The following TGM3 variants were observed in gnomAD, a reference collection of about 807,000 sequenced individuals.
TGM3 encodes the protein protein-glutamine gamma-glutamyltransferase E.
A neutral mutation model predicts 73.8 loss-of-function variants in TGM3; 52 were observed. The observed-to-expected ratio is 0.70, with a 90% confidence interval of 0.56 to 0.89. The LOEUF (loss-of-function observed/expected upper bound fraction) is 0.89, where lower values mean the gene tolerates loss of function less well. TGM3 is among the 40% of genes least tolerant of loss of function. The pLI is 0.00. For missense variants in TGM3, 928 were observed against 909.9 expected, an observed-to-expected ratio of 1.02 and a Z score of -0.26; for synonymous variants, 372 against 354.9, an observed-to-expected ratio of 1.05 and a Z score of -0.54.
Position 2,335,230 on chromosome 20 carries a change from T to G in TGM3, c.1757T>G (p.Val586Gly). 1.2e-6 allele frequency: 2 copies of G among 1,614,136 alleles called. No homozygotes were observed. The highest frequency in any genetic ancestry group is 1.7e-6 in the Non-Finnish European group (2 of 1,180,008). The change falls in exon 11 of 13, where the codon GTG becomes GGG. Residue 586 changes from valine (V) to glycine (G), a missense_variant. Coordinates refer to ENST00000381458, the MANE Select transcript of TGM3 (RefSeq NM_003245.4). Reference sequence around the variant, plus strand: ...GTCCCAGATGAGTCTGAGGTGGTGGTGGAGCGGGACATCATCCTGGACAAC... The same window carrying G: ...GTCCCAGATGAGTCTGAGGTGGTGGGGGAGCGGGACATCATCCTGGACAAC... ...CKVPDESEVV[V>G]ERDIILDNPT...
rs887838140 is a variant in TGM3 at position 2,328,036 on chromosome 20, G to C, written c.1088-84G>C. 1 of 1,580,726 alleles carries C rather than the reference G, an allele frequency of 6.3e-7. No individual in the cohort carries two copies. The highest frequency in any genetic ancestry group is 8.6e-7 in the Non-Finnish European group (1 of 1,159,584). On this transcript the variant is annotated intron_variant, in intron 8 of 12. Transcript: ENST00000381458. This position sits in a 1 kb window ranked among gnomAD's most constrained non-coding sequence, Gnocchi z 5.2. ...GGCGGGGCAGAGGCAGGGGGTTGCA[G>C]TGGTCCTGGAAGGCCCTGGGGAATC...
At chr20:2,310,955 T>C (rs1397430656) in intron 3 of TGM3, 56 bp from the exon 4 acceptor site, 5 of 1,488,370 alleles carry the variant, frequency 3.4e-6, no homozygotes. Flanking sequence ...GGAGGAACGA[T>C]CCCTACAGTC....
rs568890559 is a variant in TGM3 at position 2,327,337 on chromosome 20, G to A, written c.1088-783G>A. 5.3e-5 allele frequency among the ~76,000 whole-genome samples: 8 copies of A among 152,078 alleles called. No individual in the cohort carries two copies. The South Asian group carries it at 8.3e-4, about 16-fold the overall frequency. ...TACAAAAAAAAAAAATTAGCCGGGC[G>A]TGGTGGCGGGCGCCTGTAGTCCCAG... On this transcript the variant is annotated intron_variant, in intron 8 of 12. Coordinates refer to ENST00000381458, the MANE Select transcript of TGM3 (RefSeq NM_003245.4).
rs1315841769 is a variant in TGM3 at position 2,340,743 on chromosome 20, TC to T, written c.*167del. The stretch of plus-strand genomic sequence containing the variant: ...GGCTCCAGCACATCCCCCTCTCCTC[TC>T]CCCCAGGTTGGGGCTGGGTCCACCC... On this transcript the variant is annotated 3_prime_UTR_variant, in exon 13 of 13. Transcript: ENST00000381458. 3 of 934,696 alleles carry T rather than the reference TC, an allele frequency of 3.2e-6. No homozygotes were observed. The highest frequency in any genetic ancestry group is 5.0e-6 in the Non-Finnish European group (3 of 601,544). The allele number at this position is 934,696 out of a possible 1,614,324, so 57.9% of individuals were successfully genotyped here. A position where few individuals can be genotyped will look rare whatever the true frequency, so the allele number is the denominator to read the frequency against.
Position 2,325,830 on chromosome 20 carries a change from T to G in TGM3, c.984-19T>G. The G allele has an allele frequency of 2.0e-6, 3 of 1,529,582 alleles. No homozygotes were observed. The highest frequency in any genetic ancestry group is 2.7e-6 in the Non-Finnish European group (3 of 1,126,198). The allele number at this position is 1,529,582 out of a possible 1,614,324, so 94.8% of individuals were successfully genotyped here. ...GTGTGGTCTTGGGCAAGCGCTGCAG[T>G]CTCTGGTTCTATCTGCAGGAATTTC... On this transcript the variant is annotated intron_variant, in intron 7 of 12. Transcript: ENST00000381458.
rs751315054 is a variant in TGM3, at chr20:2,331,992, C to G, written c.1334-10C>G. The G allele has an allele frequency of 1.9e-6, 3 of 1,584,860 alleles. No individual in the cohort carries two copies. The South Asian group carries it at 3.5e-5, about 19-fold the overall frequency. On this transcript the variant is annotated splice_polypyrimidine_tract_variant and intron_variant, in intron 9 of 12. Transcript: ENST00000381458. ...TCCCTGGCATGTTTCTGTCTTTTCCCACCACACAGGCTCTGACCAGGAAAG... is the reference window on the plus strand; with the variant it reads ...TCCCTGGCATGTTTCTGTCTTTTCCGACCACACAGGCTCTGACCAGGAAAG...
At chr20:2,335,335 G>A in intron 11 of TGM3, 62 bp downstream of exon 11, 12 of 1,595,816 alleles carry the variant, frequency 7.5e-6, no homozygotes, top group Non-Finnish European at 1.0e-5. Flanking sequence ...GCTCCCAGGA[G>A]CCCCACTGTC....
chr20:2,339,777 C>T (rs2084370068), intron 11 of TGM3, 77 bp from the exon 12 acceptor site: 1 of 1,593,282 alleles, frequency 6.3e-7, no homozygotes, highest in Non-Finnish European at 8.6e-7. Context: ...ACTCAGTCAC[C>T]CTGCCCAGCC....
intron 7 of TGM3, among the ~76,000 whole-genome samples, chr20:2,319,784 T>G (rs898426272): frequency 9.9e-5 from 15 of 152,130 alleles, no homozygotes; most frequent in African/African-American, 3.4e-4. Flanking sequence ...AGCTGATGGT[T>G]GGGGGAGCCA....
At chr20:2,306,439 G>A (rs1259202679) in intron 1 of TGM3, among the ~76,000 whole-genome samples, 1 of 150,360 alleles carries the variant, frequency 6.7e-6, no homozygotes, top group Non-Finnish European at 1.5e-5. Flanking sequence ...GTTCTTATTT[G>A]AGAGGTCTTC....
chr20:2,296,127 G>A, intron 1 of TGM3, 57 bp downstream of exon 1: 1 of 1,547,506 alleles, frequency 6.5e-7, no homozygotes, highest in Admixed American at 2.0e-5. Flanking sequence ...GCTTCCCCTG[G>A]GCCAGCCTGC....
chr20:2,340,480 A>G lies in TGM3; in HGVS notation c.1981A>G (p.Ile661Val). The change falls in exon 13 of 13, where the codon ATC becomes GTC. Residue 661 changes from isoleucine (I) to valine (V), a missense_variant. Transcript: ENST00000381458. ...PKEGSRVRFDILPSRSGTKQL... is the reference protein window; with the variant it reads ...PKEGSRVRFDVLPSRSGTKQL... Reference sequence around the variant, plus strand: ...GGAGGGGTCCCGGGTCCGTTTTGATATCCTGCCCTCCCGGAGTGGCACCAA... The same window carrying G: ...GGAGGGGTCCCGGGTCCGTTTTGATGTCCTGCCCTCCCGGAGTGGCACCAA... The G allele has an allele frequency of 2.5e-6, 4 of 1,614,092 alleles. No individual in the cohort carries two copies. Among genetic ancestry groups the G allele is most frequent in the Non-Finnish European group, 3.4e-6 (4 of 1,179,958 alleles).
At chr20:2,320,472 T>TAGA (rs1414023348) in intron 7 of TGM3, among the ~76,000 whole-genome samples, 6 of 152,136 alleles carry the variant, frequency 3.9e-5, no homozygotes, top group Non-Finnish European at 1.5e-5. Context: ...ATGTAGACAT[T>TAGA]CTAAGCGCAT....
In TGM3 at chr20:2,340,470, C is replaced by A; in HGVS notation, c.1971C>A (p.Val657=). The change falls in exon 13 of 13, where the codon GTC becomes GTA. Residue 657 remains valine, a synonymous_variant. Coordinates refer to ENST00000381458, the MANE Select transcript of TGM3 (RefSeq NM_003245.4). ...PTLGPKEGSR[V]RFDILPSRSG... is the part of the protein sequence containing the mutation. Reference sequence around the variant, plus strand: ...TAGGGCCCAAGGAGGGGTCCCGGGTCCGTTTTGATATCCTGCCCTCCCGGA... The same window carrying A: ...TAGGGCCCAAGGAGGGGTCCCGGGTACGTTTTGATATCCTGCCCTCCCGGA... 2 of 1,614,066 alleles carry A rather than the reference C, an allele frequency of 1.2e-6. No individual in the cohort carries two copies. Among genetic ancestry groups the A allele is most frequent in the South Asian group, 2.2e-5 (2 of 91,084 alleles).
chr20:2,337,788 C>A (rs938241346), intron 11 of TGM3, among the ~76,000 whole-genome samples: 5 of 152,120 alleles, frequency 3.3e-5, no homozygotes, highest in South Asian at 2.1e-4. Context: ...TGTCCTCAAA[C>A]CTTCTTCCAG....
Position 2,340,986 on chromosome 20 carries a change from C to G in TGM3, c.*405C>G, listed in dbSNP as rs755069701. 2.2e-6 allele frequency: 1 copy of G among 459,886 alleles called. No homozygotes were observed. The highest frequency in any genetic ancestry group is 4.4e-6 in the Non-Finnish European group (1 of 229,416). The allele number at this position is 459,886 out of a possible 1,614,324, so 28.5% of individuals were successfully genotyped here. A position where few individuals can be genotyped will look rare whatever the true frequency, so the allele number is the denominator to read the frequency against. The stretch of plus-strand genomic sequence containing the variant: ...CTGCACGGGGCATTCCTGCTTCTCT[C>G]TCAGGCCACCACAGAGGGCAGGGGA... On this transcript the variant is annotated 3_prime_UTR_variant, in exon 13 of 13. Coordinates refer to ENST00000381458, the MANE Select transcript of TGM3 (RefSeq NM_003245.4).
intron 1 of TGM3, among the ~76,000 whole-genome samples, chr20:2,307,819 T>A (rs1348538480): frequency 6.6e-6 from 1 of 152,200 alleles, no homozygotes; most frequent in East Asian, 1.9e-4. Flanking sequence ...GTCATGATGG[T>A]CATCGCATGA....
chr20:2,340,728 C>T lies in TGM3; in HGVS notation c.*147C>T. 9.7e-7 allele frequency: 1 copy of T among 1,031,514 alleles called. No homozygotes were observed. 63.9% of individuals were successfully genotyped at this position (1,031,514 alleles called of 1,614,324 possible). On this transcript the variant is annotated 3_prime_UTR_variant, in exon 13 of 13. Transcript: ENST00000381458. Reference sequence around the variant, plus strand: ...AGACATGGACCTCCAGGCTCCAGCACATCCCCCTCTCCTCTCCCCCAGGTT... The same window carrying T: ...AGACATGGACCTCCAGGCTCCAGCATATCCCCCTCTCCTCTCCCCCAGGTT...
intron 11 of TGM3, among the ~76,000 whole-genome samples, chr20:2,338,091 GAGA>G (rs1336817781): frequency 1.3e-5 from 2 of 152,098 alleles, no homozygotes; most frequent in African/African-American, 4.8e-5. Context: ...TTTTAAACTG[GAGA>G]AGGTGATCTG....
Sources: allele counts gnomAD v4.1 joint callset (sites outside exome capture counted in the v4.1 genomes callset), GRCh38; gene constraint gnomAD v4.1.1; non-coding constraint Gnocchi (gnomAD v3.1); transcripts MANE v1.5; gene names NCBI Gene and HGNC (gene_info 2026-07-23, HGNC 2026-07-21).